The following FRMD4A variants were observed in gnomAD, a reference collection of about 807,000 sequenced individuals.
FRMD4A encodes the protein FERM domain-containing protein 4A.
A neutral mutation model predicts 129.1 loss-of-function variants in FRMD4A; 29 were observed. The ratio of observed to expected loss-of-function variants is 0.22; its 90% CI spans 0.17 to 0.31. FRMD4A has a LOEUF of 0.31. FRMD4A is among the 10% of genes least tolerant of loss of function. The pLI is 1.00. For missense variants in FRMD4A, 1,272 were observed against 1,375.8 expected, an observed-to-expected ratio of 0.92 and a Z score of 1.19; for synonymous variants, 634 against 571.6, an observed-to-expected ratio of 1.11 and a Z score of -1.56.
At chr10:13,677,993 A>T (rs2084145780) in intron 15 of FRMD4A, among the ~76,000 whole-genome samples, 1 of 152,178 alleles carries the variant, frequency 6.6e-6, no homozygotes, top group Non-Finnish European at 1.5e-5. Flanking sequence ...ATTAAGTCCA[A>T]TCTAAGAATT....
chr10:13,763,994 A>G (rs1406328636), intron 6 of FRMD4A, among the ~76,000 whole-genome samples: 2 of 152,110 alleles, frequency 1.3e-5, no homozygotes, highest in Non-Finnish European at 2.9e-5. Context: ...GGCCTCCCAA[A>G]GTGTTGGGAT....
intron 3 of FRMD4A, among the ~76,000 whole-genome samples, chr10:13,831,714 C>T (rs1251121131): frequency 6.6e-6 from 1 of 152,188 alleles, no homozygotes; most frequent in Non-Finnish European, 1.5e-5. Flanking sequence ...TTAATTCCTT[C>T]CACACGTCCA....
chr10:13,833,284 T>C (rs934233346), intron 3 of FRMD4A, among the ~76,000 whole-genome samples: 7 of 152,140 alleles, frequency 4.6e-5, no homozygotes, highest in East Asian at 1.9e-4. Context: ...TCTTACATGG[T>C]GGCAGGCAAG....
In FRMD4A at chr10:14,303,691, A is replaced by G. The variant is rs181661651; in HGVS notation, c.45+26367T>C. ...CAGGATGAAGGAGTCTAAGACTTCA[A>G]AGTAAAAGGAGGTAGAGGAGTTAGG... On this transcript the variant is annotated intron_variant, in intron 2 of 24. Transcript: ENST00000357447. Among the ~76,000 whole-genome samples, 84 of 152,314 alleles carry G rather than the reference A, an allele frequency of 5.5e-4. 1 individual carries two copies. In the East Asian group the frequency reaches 0.016, roughly 28 times the overall value.
chr10:13,669,321 C>T (rs1236296455), intron 17 of FRMD4A, among the ~76,000 whole-genome samples: 1 of 152,186 alleles, frequency 6.6e-6, no homozygotes, highest in African/African-American at 2.4e-5. Flanking sequence ...TCTGGCCTCC[C>T]AAAGTGCTGG....
At chr10:13,763,741 T>C (rs2092166919) in intron 6 of FRMD4A, among the ~76,000 whole-genome samples, 1 of 152,182 alleles carries the variant, frequency 6.6e-6, no homozygotes, top group Non-Finnish European at 1.5e-5. Flanking sequence ...TTTAACAGCT[T>C]TTTTCTTTCT....
intron 2 of FRMD4A, among the ~76,000 whole-genome samples, chr10:14,127,247 A>C (rs1838895157): frequency 6.6e-6 from 1 of 152,138 alleles, no homozygotes. Context: ...GGTGGCCTGG[A>C]GAGGTTGGAA....
intron 3 of FRMD4A, 87 bp from the exon 4 acceptor site, chr10:13,810,995 C>T: frequency 1.5e-6 from 1 of 672,298 alleles, no homozygotes; most frequent in South Asian, 1.8e-5. Context: ...ATAATTTTTT[C>T]AATGAAATGT....
At chr10:13,790,479 G>A (rs1000263286) in intron 5 of FRMD4A, among the ~76,000 whole-genome samples, 1 of 152,164 alleles carries the variant, frequency 6.6e-6, no homozygotes, top group African/African-American at 2.4e-5. Flanking sequence ...ACACGACCTC[G>A]TGGACACCAG....
At chr10:13,858,636 C>T (rs2094247207) in intron 3 of FRMD4A, among the ~76,000 whole-genome samples, 1 of 152,192 alleles carries the variant, frequency 6.6e-6, no homozygotes, top group Non-Finnish European at 1.5e-5. Flanking sequence ...GGTAGATGTA[C>T]ATCTGGCCTT....
rs533316972 is a variant in FRMD4A, at chr10:14,010,916, T to C, written c.46-152004A>G. Among the ~76,000 whole-genome samples the C allele has an allele frequency of 3.3e-5, 5 of 152,304 alleles. No homozygotes were observed. In the South Asian group the frequency reaches 1.0e-3, roughly 32 times the overall value. ...TTAGGAGAAGCAAGGGGAATGAATG[T>C]TCACTGAGCACCTACCCATTGGCAG... On this transcript the variant is annotated intron_variant, in intron 2 of 24. Coordinates refer to ENST00000357447, the MANE Select transcript of FRMD4A (RefSeq NM_018027.5).
chr10:14,320,362 T>TCATA (rs796433900), intron 2 of FRMD4A, among the ~76,000 whole-genome samples: 4 of 152,300 alleles, frequency 2.6e-5, no homozygotes, highest in African/African-American at 9.6e-5. Context: ...ATCCCTCCTT[T>TCATA]CATACTCCCA....
intron 2 of FRMD4A, among the ~76,000 whole-genome samples, chr10:14,170,075 G>T (rs1040516271): frequency 6.6e-6 from 1 of 152,094 alleles, no homozygotes; most frequent in African/African-American, 2.4e-5. Flanking sequence ...AATTCTAAGT[G>T]ACTTTAAGAG....
intron 2 of FRMD4A, among the ~76,000 whole-genome samples, chr10:14,311,235 C>T (rs777304961): frequency 1.3e-5 from 2 of 152,188 alleles, no homozygotes; most frequent in African/African-American, 2.4e-5. Context: ...CCCCCACCAT[C>T]GCAGTCCCTA....
chr10:13,720,875 T>C (rs889184298), intron 12 of FRMD4A, among the ~76,000 whole-genome samples: 2 of 152,208 alleles, frequency 1.3e-5, no homozygotes, highest in Admixed American at 6.5e-5. Context: ...CAAAGGACGA[T>C]AGAATATTAT....
At chr10:13,655,825 C>T (rs1223542286) in intron 22 of FRMD4A, 1 of 152,202 alleles carries the variant, frequency 6.6e-6, no homozygotes, top group Non-Finnish European at 1.5e-5. Flanking sequence ...CAGTGTCCCT[C>T]TCTGAGTGGT....
chr10:13,700,030 AC>A (rs1564640039), intron 14 of FRMD4A, among the ~76,000 whole-genome samples: 1 of 152,208 alleles, frequency 6.6e-6, no homozygotes, highest in Admixed American at 6.5e-5. Context: ...GGATAAAATG[AC>A]GGCTGCGGGG....
At chr10:14,248,641 T>C (rs1218377) in intron 2 of FRMD4A, among the ~76,000 whole-genome samples, 99,256 of 152,128 alleles carry the variant, frequency 0.65, 33,107 homozygotes, top group South Asian at 0.74. Context: ...CAAGGAGTTC[T>C]ACAATATAAC....
At chr10:14,302,076 G>C (rs1010880783) in intron 2 of FRMD4A, among the ~76,000 whole-genome samples, 33 of 152,182 alleles carry the variant, frequency 2.2e-4, no homozygotes, top group African/African-American at 7.7e-4. Context: ...GTAATGGAAA[G>C]GGTTTGATTT....
Sources: allele counts gnomAD v4.1 joint callset (sites outside exome capture counted in the v4.1 genomes callset), GRCh38; gene constraint gnomAD v4.1.1; transcripts MANE v1.5; gene names NCBI Gene and HGNC (gene_info 2026-07-23, HGNC 2026-07-21).